TRIM2: variants seen among roughly 807,000 people sequenced by gnomAD.
TRIM2 encodes the protein tripartite motif containing 2.
TRIM2 carries 20 observed loss-of-function variants against 75.2 expected under a neutral mutation model. The observed-to-expected ratio is 0.27, with a 90% CI of 0.19 to 0.39. TRIM2 has a LOEUF of 0.39. Among genes scored for constraint, TRIM2 ranks in the 10% least tolerant of loss-of-function variants. The pLI is 1.00. For missense variants in TRIM2, 660 were observed against 990.8 expected, an observed-to-expected ratio of 0.67 and a Z score of 4.48; for synonymous variants, 373 against 388.3, an observed-to-expected ratio of 0.96 and a Z score of 0.46.
chr4:153,230,029 G>C (rs563587620), intron 1 of TRIM2, among the ~76,000 whole-genome samples: 2 of 152,322 alleles, frequency 1.3e-5, no homozygotes, highest in African/African-American at 2.4e-5. Flanking sequence ...GGAGTTCACA[G>C]GCTAACCTGA....
intron 1 of TRIM2, among the ~76,000 whole-genome samples, chr4:153,181,213 GC>G (rs1355746841): frequency 6.6e-6 from 1 of 152,078 alleles, no homozygotes; most frequent in Non-Finnish European, 1.5e-5. Flanking sequence ...TGAAATTGAG[GC>G]CCATAGCAGC....
At chr4:153,205,300 TG>T (rs1057248677) in intron 1 of TRIM2, among the ~76,000 whole-genome samples, 57 of 152,160 alleles carry the variant, frequency 3.7e-4, no homozygotes, top group African/African-American at 1.3e-3. Flanking sequence ...GGGGTGTGAA[TG>T]GGTGAGGGTG....
chr4:153,338,726 G>A lies in TRIM2; in HGVS notation c.*3760G>A, dbSNP rs1331090227. On this transcript the variant is annotated 3_prime_UTR_variant, in exon 12 of 12. Transcript: ENST00000338700. ...AGTGATTGGTCTGTTTGTGGAGAAT[G>A]TATGAAAGCTATTAATATTCTAGAA... 1 of 985,680 alleles carries A rather than the reference G, an allele frequency of 1.0e-6. No homozygotes were observed. Among genetic ancestry groups the A allele is most frequent in the African/African-American group, 1.7e-5 (1 of 57,212 alleles). The allele number at this position is 985,680 out of a possible 1,614,324, so 61.1% of individuals were successfully genotyped here.
At chr4:153,165,121 A>T (rs1254695294) in intron 1 of TRIM2, among the ~76,000 whole-genome samples, 1 of 151,982 alleles carries the variant, frequency 6.6e-6, no homozygotes, top group Non-Finnish European at 1.5e-5. Flanking sequence ...TCTCAATCCC[A>T]CCCCAATTTG....
intron 1 of TRIM2, among the ~76,000 whole-genome samples, chr4:153,181,004 G>A (rs948329497): frequency 2.0e-5 from 3 of 152,200 alleles, no homozygotes; most frequent in African/African-American, 7.2e-5. Flanking sequence ...AGCAGGGGTT[G>A]GTGAGCCCAC....
At chr4:153,169,399 G>T (rs188034336) in intron 1 of TRIM2, among the ~76,000 whole-genome samples, 1 of 152,160 alleles carries the variant, frequency 6.6e-6, no homozygotes, top group South Asian at 2.1e-4. Flanking sequence ...AGTTCCCTAC[G>T]TTTGTTTTCT....
chr4:153,298,529 C>A (rs904993021), intron 6 of TRIM2, among the ~76,000 whole-genome samples: 1 of 152,084 alleles, frequency 6.6e-6, no homozygotes, highest in Non-Finnish European at 1.5e-5. Context: ...CTTTAACAGC[C>A]TCATTTTAAT....
At chr4:153,182,057 A>G (rs1239407203) in intron 1 of TRIM2, among the ~76,000 whole-genome samples, 2 of 152,162 alleles carry the variant, frequency 1.3e-5, no homozygotes, top group African/African-American at 4.8e-5. Flanking sequence ...CTCCCCACCC[A>G]TCTCAGTCTA....
chr4:153,282,264 G>A (rs933462493), intron 3 of TRIM2, among the ~76,000 whole-genome samples: 24 of 152,202 alleles, frequency 1.6e-4, no homozygotes, highest in African/African-American at 2.4e-5. Context: ...ACCGAAGCAC[G>A]AGCCTTTGAA....
rs779326519 is a variant in TRIM2 at position 153,276,053 on chromosome 4, G to A, written c.376G>A (p.Glu126Lys). Residue 126 changes from glutamate to lysine, a missense_variant, in exon 3 of 12, where the codon GAG (glutamate) becomes AAG (lysine). This residue lies in a region of TRIM2 where 620 missense variants were observed against 891.0 expected (regional missense o/e 0.70). Coordinates refer to ENST00000338700, the MANE Select transcript of TRIM2 (RefSeq NM_015271.5). ...GCAGCGAACTCCAGGCAGCAACGCT[G>A]AGGAGTCTTCCATCCTGGAGACAGT... is the stretch of plus-strand genomic sequence containing the variant. The part of the protein sequence containing the change: ...VLQRTPGSNA[E>K]ESSILETVTA... 6 of 1,614,140 alleles carry A rather than the reference G, an allele frequency of 3.7e-6. No individual in the cohort carries two copies. The South Asian group carries it at 6.6e-5, about 18-fold the overall frequency.
intron 7 of TRIM2, 112 bp from the exon 8 acceptor site, chr4:153,315,720 A>C (rs1004733419): frequency 3.4e-6 from 5 of 1,478,442 alleles, no homozygotes; most frequent in African/African-American, 1.4e-5. Context: ...CTTTTCTTCA[A>C]ATAGAGTTTG....
rs1561034957 is a variant in TRIM2 at position 153,334,861 on chromosome 4, T to C, written c.2211T>C (p.Ala737=). The C allele has an allele frequency of 6.2e-7, 1 of 1,614,098 alleles. No homozygotes were observed. The highest frequency in any genetic ancestry group is 8.5e-7 in the Non-Finnish European group (1 of 1,179,944). The stretch of plus-strand genomic sequence containing the variant: ...TTTTGTCCTACATTAACACATCTGC[T>C]GACCCACTCTATGGCCCCCAAGGCC... ...GSFLSYINTS[A]DPLYGPQGLA... is the part of the protein sequence containing the mutation. Residue 737 remains alanine (A), a synonymous_variant, in exon 12 of 12, where the codon GCT becomes GCC. Coordinates refer to ENST00000338700, the MANE Select transcript of TRIM2 (RefSeq NM_015271.5).
intron 1 of TRIM2, among the ~76,000 whole-genome samples, chr4:153,246,854 A>C (rs189304361): frequency 1.3e-5 from 2 of 152,152 alleles, no homozygotes; most frequent in Admixed American, 1.3e-4. Flanking sequence ...CTTGACTTCT[A>C]TTCTTCCGCC....
intron 2 of TRIM2, among the ~76,000 whole-genome samples, chr4:153,274,466 T>C (rs769097962): frequency 3.3e-4 from 50 of 152,152 alleles, no homozygotes; most frequent in Non-Finnish European, 6.2e-4. Flanking sequence ...ATAATGGGTT[T>C]GGTTTTGTTC....
In TRIM2 at chr4:153,244,135, CTTCTTCTTG is replaced by C. The variant is rs1460857163; in HGVS notation, c.31-26182_31-26174del. Among the ~76,000 whole-genome samples the C allele has an allele frequency of 1.1e-3, 163 of 142,178 alleles. 6 individuals carry two copies. The highest frequency in any genetic ancestry group is 7.5e-3 in the South Asian group (32 of 4,248). 93.3% of individuals were successfully genotyped at this position (142,178 alleles called of 152,430 possible). Reference sequence around the variant, plus strand: ...GTGCCACTGCCATCTTCTTCTTCTTCTTCTTCTTGTTCTTCTTGTTCTTCTTCTTCTTCT... The same window carrying C: ...GTGCCACTGCCATCTTCTTCTTCTTCTTCTTCTTGTTCTTCTTCTTCTTCT... On this transcript the variant is annotated intron_variant, in intron 1 of 11. Coordinates refer to ENST00000338700, the MANE Select transcript of TRIM2 (RefSeq NM_015271.5).
At chr4:153,316,124 T>A in intron 8 of TRIM2, 125 bp downstream of exon 8, 2 of 894,102 alleles carry the variant, frequency 2.2e-6, no homozygotes, top group East Asian at 2.9e-5. Context: ...CACAAAGATA[T>A]CTGACATCTA....
intron 6 of TRIM2, among the ~76,000 whole-genome samples, chr4:153,306,106 A>G (rs553986972): frequency 4.8e-4 from 73 of 151,070 alleles, no homozygotes; most frequent in African/African-American, 1.7e-3. Context: ...TCCAGCCTGG[A>G]TGACAGAGCA....
At chr4:153,158,119 A>T (rs1035831930) in intron 1 of TRIM2, among the ~76,000 whole-genome samples, 1 of 152,208 alleles carries the variant, frequency 6.6e-6, no homozygotes, top group African/African-American at 2.4e-5. Context: ...TGACAAATTG[A>T]CTACTTAACG....
At chr4:153,289,412 A>G (rs1011775668) in intron 3 of TRIM2, among the ~76,000 whole-genome samples, 14 of 152,180 alleles carry the variant, frequency 9.2e-5, no homozygotes, top group African/African-American at 1.7e-4. Context: ...CCTGACATAG[A>G]TTTTCTTATG....
Sources: allele counts gnomAD v4.1 joint callset (sites outside exome capture counted in the v4.1 genomes callset), GRCh38; gene constraint gnomAD v4.1.1; regional missense constraint gnomAD v4.1.1; transcripts MANE v1.5; gene names NCBI Gene and HGNC (gene_info 2026-07-23, HGNC 2026-07-21).